ZNF518A: variants seen among roughly 807,000 people sequenced by gnomAD.
ZNF518A encodes the protein zinc finger protein 518A, also known as zinc finger protein 518.
In ZNF518A, 47 loss-of-function variants were observed where a neutral mutation model predicts 102.7. The ratio of observed to expected loss-of-function variants is 0.46; its 90% CI spans 0.36 to 0.58. ZNF518A has a LOEUF of 0.58. ZNF518A is among the 20% of genes least tolerant of loss of function. The pLI, the probability that ZNF518A is intolerant of heterozygous loss-of-function variation, is 0.00. For synonymous variants in ZNF518A, 652 were observed against 594.6 expected (o/e 1.10, Z -1.40); for missense variants, 1,793 against 1,699.8 (o/e 1.05, Z -0.96).
chr10:96,189,079 A>AT (rs1431111360), intron 1 of ZNF518A, among the ~76,000 whole-genome samples: 2 of 152,112 alleles, frequency 1.3e-5, no homozygotes, highest in Admixed American at 6.5e-5. Context: ...TCACATGTAT[A>AT]TTTTTGTCTC....
chr10:96,191,383 A>C (rs1367125052), intron 1 of ZNF518A, among the ~76,000 whole-genome samples: 1 of 152,060 alleles, frequency 6.6e-6, no homozygotes, highest in Non-Finnish European at 1.5e-5. Flanking sequence ...ATCTTTAGTA[A>C]GCAAAACTAA....
At chr10:96,204,439 C>G, downstream of ZNF518A, 1 of 1,380,954 alleles carries the variant, frequency 7.2e-7, no homozygotes, top group South Asian at 1.2e-5. Context: ...TTACCTAGCA[C>G]TGCAAGTCAG....
chr10:96,157,876 T>A lies in ZNF518A; in HGVS notation c.1554T>A (p.Ser518=), dbSNP rs2082774400. 3 of 1,613,926 alleles carry A rather than the reference T, an allele frequency of 1.9e-6. No homozygotes were observed. Among genetic ancestry groups the A allele is most frequent in the Non-Finnish European group, 2.5e-6 (3 of 1,179,798 alleles). The change falls in exon 6 of 6, where the codon TCT becomes TCA. Residue 518 remains serine (S), a synonymous_variant. Coordinates refer to ENST00000316045, the MANE Select transcript of ZNF518A (RefSeq NM_001330736.2). ...MKAATPFSCS[S]SILSGKASSE... ...CAGCTACTCCATTTTCATGTTCATCTTCTATACTTTCAGGGAAAGCAAGTT... is the reference window on the plus strand; with the variant it reads ...CAGCTACTCCATTTTCATGTTCATCATCTATACTTTCAGGGAAAGCAAGTT...
At position 96,157,474 on chromosome 10, in the gene ZNF518A, A is replaced by G; in HGVS notation, c.1152A>G (p.Lys384=). 1.2e-6 allele frequency: 2 copies of G among 1,613,804 alleles called. No individual in the cohort carries two copies. Among genetic ancestry groups the G allele is most frequent in the Non-Finnish European group, 1.7e-6 (2 of 1,179,782 alleles). The change falls in exon 6 of 6, where the codon AAA becomes AAG. Residue 384 remains lysine, a synonymous_variant. Transcript: ENST00000316045. ...DERLHCENND[K]APESESEKPT... ...GACTACACTGTGAGAATAATGATAA[A>G]GCCCCTGAATCAGAGTCAGAGAAGC...
rs587770195 is a variant in ZNF518A, at chr10:96,190,621, T to C, written n.36-12953T>C. Among the ~76,000 whole-genome samples, 9 of 152,384 alleles carry C rather than the reference T, an allele frequency of 5.9e-5. No homozygotes were observed. The East Asian group carries it at 1.5e-3, about 26-fold the overall frequency. On this transcript the variant is annotated intron_variant and non_coding_transcript_variant, in intron 1 of 2. Transcript: ENST00000442635. ...TTTAGAAGTGAGTCATGAGTTACCC[T>C]GAAATTATTACCTTCTGGCCTTTCA...
intron 1 of ZNF518A, among the ~76,000 whole-genome samples, chr10:96,190,805 G>A (rs587675668): frequency 6.6e-6 from 1 of 152,284 alleles, no homozygotes; most frequent in South Asian, 2.1e-4. Context: ...CTAAGACCTT[G>A]GACCTGATTC....
chr10:96,200,295 T>A lies in ZNF518A; in HGVS notation n.36-3279T>A. 1.5e-6 allele frequency: 1 copy of A among 649,846 alleles called. No individual in the cohort carries two copies. Among genetic ancestry groups the A allele is most frequent in the Non-Finnish European group, 2.7e-6 (1 of 366,540 alleles). The allele number at this position is 649,846 out of a possible 1,614,324, so 40.3% of individuals were successfully genotyped here. A position where few individuals can be genotyped will look rare whatever the true frequency, so the allele number is the denominator to read the frequency against. On this transcript the variant is annotated intron_variant and non_coding_transcript_variant, in intron 1 of 2. Coordinates refer to the ZNF518A transcript ENST00000442635. This position sits in a 1 kb window ranked among gnomAD's most constrained non-coding sequence, Gnocchi z 4.3. Reference sequence around the variant, plus strand: ...ACCAATAATTTTAAGATGAGTTTTATTTTTCCTTTGATCAAACACAAGGAT... The same window carrying A: ...ACCAATAATTTTAAGATGAGTTTTAATTTTCCTTTGATCAAACACAAGGAT...
chr10:96,158,540 A>T lies in ZNF518A; in HGVS notation c.2218A>T (p.Asn740Tyr). ...GQNLYSNENQNLECATEKSKW... is the reference protein window; with the variant it reads ...GQNLYSNENQYLECATEKSKW... ...AAACCTGTACAGTAATGAAAATCAA[A>T]ATTTAGAGTGTGCGACTGAAAAATC... Residue 740 changes from asparagine (N) to tyrosine (Y), a missense_variant, in exon 6 of 6, where the codon AAT becomes TAT. Around this residue, in one of 3 missense-constraint regions of ZNF518A, gnomAD observed 1,741 missense variants for 1,622.6 expected, o/e 1.07. Coordinates refer to ENST00000316045, the MANE Select transcript of ZNF518A (RefSeq NM_001330736.2). 6.2e-7 allele frequency: 1 copy of T among 1,612,970 alleles called. No homozygotes were observed. The highest frequency in any genetic ancestry group is 1.7e-4 in the Middle Eastern group (1 of 6,060).
At chr10:96,195,039 G>A (rs2083430286) in intron 1 of ZNF518A, among the ~76,000 whole-genome samples, 2 of 151,990 alleles carry the variant, frequency 1.3e-5, no homozygotes, top group Admixed American at 6.6e-5. Flanking sequence ...AAAGTGCTGG[G>A]ATTACAGGCG....
chr10:96,180,255 A>G (rs1202061746), intron 1 of ZNF518A, among the ~76,000 whole-genome samples: 3 of 145,300 alleles, frequency 2.1e-5, no homozygotes, highest in African/African-American at 7.9e-5. Context: ...AAATTCCTGA[A>G]TTCAAGTGAT....
downstream of ZNF518A, among the ~76,000 whole-genome samples, chr10:96,166,122 G>C (rs186970596): frequency 9.9e-4 from 151 of 152,244 alleles, no homozygotes; most frequent in East Asian, 1.2e-3. Flanking sequence ...CGTTAGGCGT[G>C]GGGGGAGGAA....
chr10:96,164,097 A>G (rs782436799), downstream of ZNF518A, among the ~76,000 whole-genome samples: 8 of 152,364 alleles, frequency 5.3e-5, no homozygotes, highest in African/African-American at 1.9e-4. Flanking sequence ...TGTCCAGGTT[A>G]GATGGGAAAA....
At chr10:96,137,207 G>A (rs911776221) in intron 3 of ZNF518A, among the ~76,000 whole-genome samples, 1 of 151,926 alleles carries the variant, frequency 6.6e-6, no homozygotes, top group Non-Finnish European at 1.5e-5. Flanking sequence ...ACTAGATTCC[G>A]TCCGTTCTAA....
rs200864130 is a variant in ZNF518A at position 96,157,156 on chromosome 10, A to G, written c.834A>G (p.Val278=). The change falls in exon 6 of 6, where the codon GTA becomes GTG. Residue 278 remains valine, a synonymous_variant. Transcript: ENST00000316045. ...GTGCCACCAGGAGAGAACACCTTGT[A>G]AGACATGTTATAACTTTGCACAAAG... ...SYGATRREHL[V]RHVITLHKEH... The G allele has an allele frequency of 3.8e-5, 61 of 1,613,632 alleles. No homozygotes were observed. In the Middle Eastern group the frequency reaches 4.9e-4, roughly 13 times the overall value.
At chr10:96,201,106 A>G in intron 1 of ZNF518A, 1 of 1,522,610 alleles carries the variant, frequency 6.6e-7, no homozygotes, top group East Asian at 2.3e-5. Context: ...TATTTCTTGA[A>G]CTCTTTCTAT....
Position 96,200,035 on chromosome 10 carries a change from A to C in ZNF518A, n.36-3539A>C. Reference sequence around the variant, plus strand: ...TCATCTCAAAACAAATAAATAAAATAAAATAAAATAAAAATAATAAATAAT... The same window carrying C: ...TCATCTCAAAACAAATAAATAAAATCAAATAAAATAAAAATAATAAATAAT... On this transcript the variant is annotated intron_variant and non_coding_transcript_variant, in intron 1 of 2. Transcript: ENST00000442635. The surrounding 1 kb of genome is among the most constrained non-coding windows in gnomAD (Gnocchi z 4.3). The C allele has an allele frequency of 7.7e-7, 1 of 1,291,962 alleles. No individual in the cohort carries two copies. Among genetic ancestry groups the C allele is most frequent in the Non-Finnish European group, 1.0e-6 (1 of 992,374 alleles). The allele number at this position is 1,291,962 out of a possible 1,614,324, so 80.0% of individuals were successfully genotyped here.
At chr10:96,184,952 A>T (rs2083262378) in intron 1 of ZNF518A, among the ~76,000 whole-genome samples, 1 of 152,112 alleles carries the variant, frequency 6.6e-6, no homozygotes, top group African/African-American at 2.4e-5. Flanking sequence ...TCAAACGTAG[A>T]TTTGGTCTTT....
intron 1 of ZNF518A, among the ~76,000 whole-genome samples, chr10:96,183,909 T>C (rs1591279664): frequency 6.6e-6 from 1 of 152,344 alleles, no homozygotes; most frequent in East Asian, 1.9e-4. Context: ...ATATTGACAA[T>C]GGGGTGTTAA....
chr10:96,204,716 G>T (rs1166290702), downstream of ZNF518A: 7 of 1,035,344 alleles, frequency 6.8e-6, no homozygotes, highest in Non-Finnish European at 1.0e-5. Context: ...TTGATCAGAA[G>T]TCTTCCCGGG....
Sources: allele counts gnomAD v4.1 joint callset (sites outside exome capture counted in the v4.1 genomes callset), GRCh38; gene constraint gnomAD v4.1.1; regional missense constraint gnomAD v4.1.1; non-coding constraint Gnocchi (gnomAD v3.1); transcripts MANE v1.5; gene names NCBI Gene and HGNC (gene_info 2026-07-23, HGNC 2026-07-21).